EBF3: variants seen among roughly 807,000 people sequenced by gnomAD.
EBF3 encodes the protein EBF transcription factor 3, also known as transcription factor COE3.
In EBF3, 18 loss-of-function variants were observed where a neutral mutation model predicts 77.1. The ratio of observed to expected loss-of-function variants is 0.23; its 90% CI spans 0.16 to 0.35. The LOEUF (loss-of-function observed/expected upper bound fraction) is 0.35. EBF3 is among the 10% of genes least tolerant of loss of function. The pLI, the probability that EBF3 is intolerant of heterozygous loss-of-function variation, is 1.00. For synonymous variants in EBF3, 350 were observed against 343.5 expected (o/e 1.02, Z -0.21); for missense variants, 558 against 860.0 (o/e 0.65, Z 4.39).
intron 11 of EBF3, among the ~76,000 whole-genome samples, chr10:129,846,108 T>TTGTGTGTGTGTGTGTGTGTG (rs10530522): frequency 2.4e-4 from 33 of 139,692 alleles, no homozygotes; most frequent in African/African-American, 6.0e-4. Context: ...ATTCTGGGCT[T>TTGTGTGTGTGTGTGTGTGTG]TGTGTGTGTG....
intron 7 of EBF3, among the ~76,000 whole-genome samples, chr10:129,875,275 C>A (rs1199192457): frequency 6.7e-6 from 1 of 150,338 alleles, no homozygotes; most frequent in Non-Finnish European, 1.5e-5. Context: ...CAGCTCACCC[C>A]AACCTCCGCC....
intron 8 of EBF3, among the ~76,000 whole-genome samples, chr10:129,872,329 T>G (rs1405915335): frequency 6.6e-6 from 1 of 152,232 alleles, no homozygotes; most frequent in Non-Finnish European, 1.5e-5. Context: ...ACATCGGTGC[T>G]TAGGGCGACC....
Position 129,935,391 on chromosome 10 carries a change from A to G in EBF3, c.554+21867T>C, listed in dbSNP as rs558389964. Among the ~76,000 whole-genome samples, 2 of 152,262 alleles carry G rather than the reference A, an allele frequency of 1.3e-5. No homozygotes were observed. The highest frequency in any genetic ancestry group is 4.2e-4 in the South Asian group (2 of 4,816). On this transcript the variant is annotated intron_variant, in intron 6 of 16. Transcript: ENST00000440978. The surrounding 1 kb of genome is among the most constrained non-coding windows in gnomAD (Gnocchi z 4.2). ...GTGGGATCCTGTCCTGCCTGGCTCC[A>G]GCAGAAGGACCCAGTGCCATCATTC... is the stretch of plus-strand genomic sequence containing the variant.
chr10:129,888,957 C>T (rs1470371277), intron 6 of EBF3, among the ~76,000 whole-genome samples: 3 of 152,188 alleles, frequency 2.0e-5, no homozygotes, highest in Admixed American at 6.5e-5. Context: ...CAGATGGTGG[C>T]GGCGCACAGG....
intron 11 of EBF3, among the ~76,000 whole-genome samples, chr10:129,843,934 C>T (rs759374470): frequency 2.6e-5 from 4 of 152,212 alleles, no homozygotes; most frequent in Non-Finnish European, 4.4e-5. Flanking sequence ...CTCCAGTTTA[C>T]GATTGTGCGG....
intron 6 of EBF3, among the ~76,000 whole-genome samples, chr10:129,925,928 T>C (rs1856640457): frequency 1.3e-5 from 2 of 152,116 alleles, no homozygotes; most frequent in African/African-American, 4.8e-5. Context: ...TCACTGCCAC[T>C]GGGGGCCAGT....
chr10:129,905,539 A>C (rs925436991), intron 6 of EBF3, among the ~76,000 whole-genome samples: 1 of 152,202 alleles, frequency 6.6e-6, no homozygotes, highest in Non-Finnish European at 1.5e-5. Flanking sequence ...ACTGGCCACC[A>C]CTGGTCTAGG....
At chr10:129,852,725 T>C (rs1172309914) in intron 10 of EBF3, among the ~76,000 whole-genome samples, 1 of 151,978 alleles carries the variant, frequency 6.6e-6, no homozygotes, top group Admixed American at 6.6e-5. Context: ...AAAAGAAAAA[T>C]TCGGATTGGA....
chr10:129,859,378 C>A (rs1409808712), intron 10 of EBF3, among the ~76,000 whole-genome samples: 1 of 152,120 alleles, frequency 6.6e-6, no homozygotes, highest in Non-Finnish European at 1.5e-5. Context: ...TGCGCCACCA[C>A]ACCTGGCTAA....
Position 129,863,209 on chromosome 10 carries a change from C to G in EBF3, c.1039+3932G>C, listed in dbSNP as rs1851761341. 6.6e-6 allele frequency among the ~76,000 whole-genome samples: 1 copy of G among 152,176 alleles called. No individual in the cohort carries two copies. Among genetic ancestry groups the G allele is most frequent in the African/African-American group, 2.4e-5 (1 of 41,444 alleles). ...TCTCTAATTTCTGACCTTCTTACAA[C>G]AGGGTGAGGCACATGGGAATACAAA... is the stretch of plus-strand genomic sequence containing the variant. On this transcript the variant is annotated intron_variant, in intron 10 of 16. Transcript: ENST00000440978. This position sits in a 1 kb window ranked among gnomAD's most constrained non-coding sequence, Gnocchi z 4.0.
intron 6 of EBF3, among the ~76,000 whole-genome samples, chr10:129,930,333 C>T (rs574410498): frequency 5.3e-5 from 8 of 152,114 alleles, no homozygotes; most frequent in African/African-American, 1.9e-4. Flanking sequence ...ATATCTATAT[C>T]TATATCTGTC....
chr10:129,958,978 G>A lies in EBF3; in HGVS notation c.441C>T (p.Asn147=). 6.2e-7 allele frequency: 1 copy of A among 1,601,272 alleles called. No homozygotes were observed. Among genetic ancestry groups the A allele is most frequent in the African/African-American group, 1.4e-5 (1 of 72,610 alleles). Residue 147 remains asparagine, a synonymous_variant, in exon 5 of 17, where the codon AAC becomes AAT. Coordinates refer to ENST00000440978, the MANE Select transcript of EBF3 (RefSeq NM_001375380.1). ...TCAGCAGCACACGGCACATCTCCGG[G>A]TTCTTGTCCTGGCCCTCGTAGACGA... The part of the protein sequence containing the change: ...QAIVYEGQDK[N]PEMCRVLLTH...
At chr10:129,929,819 G>A (rs1167575305) in intron 6 of EBF3, among the ~76,000 whole-genome samples, 1 of 152,230 alleles carries the variant, frequency 6.6e-6, no homozygotes, top group African/African-American at 2.4e-5. Flanking sequence ...GAACTATGGT[G>A]TGATGTTTGT....
At position 129,838,195 on chromosome 10, in the gene EBF3, G is replaced by A. The variant is rs575245048; in HGVS notation, c.1873-235C>T. ...TGCCCCTCCTGCAGCCCTCCTCAAA[G>A]GCTTCTTTAAAGGCTTCTTTTGGAA... is the stretch of plus-strand genomic sequence containing the variant. On this transcript the variant is annotated intron_variant, in intron 16 of 16. Coordinates refer to ENST00000440978, the MANE Select transcript of EBF3 (RefSeq NM_001375380.1). 9.2e-4 allele frequency among the ~76,000 whole-genome samples: 136 copies of A among 147,868 alleles called. 1 individual carries two copies. Among genetic ancestry groups the A allele is most frequent in the African/African-American group, 2.3e-3 (85 of 37,330 alleles).
chr10:129,839,657 A>G (rs1255816283), intron 15 of EBF3, among the ~76,000 whole-genome samples: 1 of 152,252 alleles, frequency 6.6e-6, no homozygotes, highest in Non-Finnish European at 1.5e-5. Flanking sequence ...TCTTTCCAAA[A>G]GACAGTGCAG....
intron 6 of EBF3, among the ~76,000 whole-genome samples, chr10:129,934,302 G>GC (rs1168067044): frequency 6.6e-6 from 1 of 151,910 alleles, no homozygotes; most frequent in Non-Finnish European, 1.5e-5. Context: ...TCAGAGCAAG[G>GC]CCCCCCACCC....
chr10:129,896,639 G>A (rs1192939989), intron 6 of EBF3, among the ~76,000 whole-genome samples: 5 of 152,230 alleles, frequency 3.3e-5, no homozygotes, highest in African/African-American at 9.6e-5. Flanking sequence ...GCGGTGCACC[G>A]TGCAGCCCTT....
At chr10:129,898,684 AGTTT>A (rs1854565145) in intron 6 of EBF3, among the ~76,000 whole-genome samples, 1 of 152,224 alleles carries the variant, frequency 6.6e-6, no homozygotes, top group African/African-American at 2.4e-5. Context: ...TGTTTCTGTC[AGTTT>A]ATTTATCTCT....
At position 129,892,490 on chromosome 10, in the gene EBF3, G is replaced by T. The variant is rs138908638; in HGVS notation, c.555-14641C>A. On this transcript the variant is annotated intron_variant, in intron 6 of 16. Coordinates refer to ENST00000440978, the MANE Select transcript of EBF3 (RefSeq NM_001375380.1). ...CACCTGTGAGGTGAGCAACACCATG[G>T]GTCCAGACCGGGAATGAGGCCTCCT... Among the ~76,000 whole-genome samples the T allele has an allele frequency of 2.6e-5, 4 of 152,298 alleles. No homozygotes were observed. The East Asian group carries it at 7.7e-4, about 29-fold the overall frequency.
Sources: allele counts gnomAD v4.1 joint callset (sites outside exome capture counted in the v4.1 genomes callset), GRCh38; gene constraint gnomAD v4.1.1; non-coding constraint Gnocchi (gnomAD v3.1); transcripts MANE v1.5; gene names NCBI Gene and HGNC (gene_info 2026-07-23, HGNC 2026-07-21).